Variants in TRIP11 observed in about 807,000 individuals in gnomAD.
TRIP11 encodes the protein thyroid hormone receptor interactor 11, also known as thyroid receptor-interacting protein 11.
Under a neutral mutation model 223.1 loss-of-function variants are expected in TRIP11, and 148 were observed. That is an observed-to-expected ratio of 0.66 (90% CI 0.58 to 0.76). The LOEUF is 0.76. Among genes scored for constraint, TRIP11 ranks in the 30% least tolerant of loss-of-function variants. TRIP11 has a pLI of 0.00. For synonymous variants in TRIP11, 762 were observed against 772.6 expected (o/e 0.99, Z 0.23); for missense variants, 2,043 against 2,222.0 (o/e 0.92, Z 1.62).
chr14:91,972,645 T>G, intron 20 of TRIP11, 72 bp downstream of exon 20: 1 of 1,470,860 alleles, frequency 6.8e-7, no homozygotes, highest in Non-Finnish European at 9.2e-7. Context: ...TTAGTTAATA[T>G]CACTGTGAAA....
chr14:92,015,000 C>T (rs2057018103), intron 6 of TRIP11, among the ~76,000 whole-genome samples: 1 of 151,230 alleles, frequency 6.6e-6, no homozygotes, highest in Non-Finnish European at 1.5e-5. Flanking sequence ...GCCTCCTGGG[C>T]TCAAGTGATC....
At chr14:91,975,745 G>C (rs1304256373) in intron 17 of TRIP11, among the ~76,000 whole-genome samples, 1 of 152,032 alleles carries the variant, frequency 6.6e-6, no homozygotes, top group Non-Finnish European at 1.5e-5. Flanking sequence ...CATATATACT[G>C]AGGTTTCAGA....
chr14:91,993,806 T>C lies in TRIP11; in HGVS notation c.5160+3A>G, dbSNP rs755451680. 1.2e-6 allele frequency: 2 copies of C among 1,607,302 alleles called. No individual in the cohort carries two copies. Among genetic ancestry groups the C allele is most frequent in the African/African-American group, 1.3e-5 (1 of 74,914 alleles). On this transcript the variant is annotated splice_donor_region_variant and intron_variant, in intron 15 of 20. Coordinates refer to ENST00000267622, the MANE Select transcript of TRIP11 (RefSeq NM_004239.4). ...CCTACAAGAGAAAACTATTTTGTCC[T>C]ACCTGTAATGATATCACTTTTCCTT...
intron 2 of TRIP11, among the ~76,000 whole-genome samples, chr14:92,028,643 T>C (rs1299548116): frequency 6.6e-6 from 1 of 152,152 alleles, no homozygotes; most frequent in East Asian, 1.9e-4. Context: ...TTGCCAGAGA[T>C]AATATTTTCT....
intron 2 of TRIP11, among the ~76,000 whole-genome samples, chr14:92,032,480 T>G (rs12896486): frequency 0.24 from 34,079 of 143,438 alleles, 4,828 homozygotes; most frequent in Admixed American, 0.36. Flanking sequence ...CTTTTTTGTA[T>G]CCAAATATTA....
At chr14:91,999,841 A>G (rs2056798707) in intron 12 of TRIP11, 127 bp downstream of exon 12, 2 of 1,264,560 alleles carry the variant, frequency 1.6e-6, no homozygotes, top group Non-Finnish European at 1.1e-6. Flanking sequence ...TTACTACTGC[A>G]CAGCAGAGGA....
intron 20 of TRIP11, among the ~76,000 whole-genome samples, chr14:91,971,857 G>A (rs1227938211): frequency 6.6e-6 from 1 of 152,052 alleles, no homozygotes; most frequent in Non-Finnish European, 1.5e-5. Flanking sequence ...TTGTCTAAAC[G>A]ACAGAAGTTT....
Position 91,966,289 on chromosome 14 carries a change from C to T in TRIP11, c.*3384G>A, listed in dbSNP as rs10135582. ...TGGCAAATAATCACAAATGTCAGAA[C>T]ATTAAAGTAGCATTTTTTCCATAGG... is the stretch of plus-strand genomic sequence containing the variant. On this transcript the variant is annotated 3_prime_UTR_variant, in exon 21 of 21. Coordinates refer to ENST00000267622, the MANE Select transcript of TRIP11 (RefSeq NM_004239.4). The T allele has an allele frequency of 5.6e-6, 1 of 178,458 alleles. No homozygotes were observed. The highest frequency in any genetic ancestry group is 9.4e-5 in the East Asian group (1 of 10,614). 11.1% of individuals were successfully genotyped at this position (178,458 alleles called of 1,614,324 possible). A position where few individuals can be genotyped will look rare whatever the true frequency, so the allele number is the denominator to read the frequency against.
chr14:91,969,996 A>G (rs770061516), intron 20 of TRIP11, 103 bp from the exon 21 acceptor site: 2 of 1,152,734 alleles, frequency 1.7e-6, no homozygotes, highest in Non-Finnish European at 2.5e-6. Flanking sequence ...AATATTGTTA[A>G]ATTGATTAGC....
chr14:92,003,283 T>C, intron 11 of TRIP11, 136 bp downstream of exon 11: 1 of 1,264,484 alleles, frequency 7.9e-7, no homozygotes, highest in Non-Finnish European at 1.1e-6. Context: ...TTACTTAGAA[T>C]GAATCACACC....
chr14:91,969,899 G>T lies in TRIP11; in HGVS notation c.5720-6C>A, dbSNP rs1469460452. The T allele has an allele frequency of 9.3e-6, 15 of 1,612,250 alleles. No individual in the cohort carries two copies. Among genetic ancestry groups the T allele is most frequent in the Non-Finnish European group, 1.3e-5 (15 of 1,178,926 alleles). On this transcript the variant is annotated splice_polypyrimidine_tract_variant and splice_region_variant and intron_variant, in intron 20 of 20. Transcript: ENST00000267622. ...AGACCTGGATTCTGCTGTATCTAAA[G>T]AATAAAATATGGATTTAGTCTCCTA...
At position 91,969,307 on chromosome 14, in the gene TRIP11, T is replaced by G; in HGVS notation, c.*366A>C. ...CTTCGTTTAAAAAAAAAAAACACTC[T>G]CTTGATAAACCACAATCTCTAGCTT... On this transcript the variant is annotated 3_prime_UTR_variant, in exon 21 of 21. Transcript: ENST00000267622. The G allele has an allele frequency of 3.2e-6, 1 of 315,526 alleles. No homozygotes were observed. The highest frequency in any genetic ancestry group is 5.9e-6 in the Non-Finnish European group (1 of 168,204). The allele number at this position is 315,526 out of a possible 1,614,324, so 19.5% of individuals were successfully genotyped here. A position where few individuals can be genotyped will look rare whatever the true frequency, so the allele number is the denominator to read the frequency against.
rs759808821 is a variant in TRIP11 at position 92,005,519 on chromosome 14, C to T, written c.2457G>A (p.Lys819=). ...GCAGCTTTGAACTTCTTTCTTTAAG[C>T]TTTTCAATAAAAATTTCTTTCTTGT... ...LINKKEIFIE[K]LKERSSKLQE... Residue 819 remains lysine, a synonymous_variant, in exon 11 of 21, where the codon AAG becomes AAA. Transcript: ENST00000267622. 1.2e-6 allele frequency: 2 copies of T among 1,611,784 alleles called. No homozygotes were observed. Among genetic ancestry groups the T allele is most frequent in the Non-Finnish European group, 1.7e-6 (2 of 1,179,618 alleles).
chr14:91,972,164 T>G (rs992473495), intron 20 of TRIP11, among the ~76,000 whole-genome samples: 1 of 152,202 alleles, frequency 6.6e-6, no homozygotes, highest in Non-Finnish European at 1.5e-5. Context: ...CCACCAACCG[T>G]CCGCTCTAGG....
intron 15 of TRIP11, among the ~76,000 whole-genome samples, chr14:91,993,205 AGT>A (rs1372771835): frequency 7.2e-5 from 11 of 152,024 alleles, no homozygotes; most frequent in African/African-American, 2.7e-4. Context: ...CGCCAGGCGC[AGT>A]GGCTCTCACC....
rs770220724 is a variant in TRIP11, at chr14:92,015,846, G to A, written c.673C>T (p.Arg225Ter). 13 of 1,610,860 alleles carry A rather than the reference G, an allele frequency of 8.1e-6. No homozygotes were observed. The highest frequency in any genetic ancestry group is 2.2e-5 in the South Asian group (2 of 90,796). The stretch of plus-strand genomic sequence containing the variant: ...TGATGGTCATCAATTTCCTGACTTC[G>A]GTTCTGTTTTAGTTCCTTAAAAAAT... ...QNIIKELKQN[R>*]SQEIDDHQHE... The change falls in exon 6 of 21, where the codon CGA becomes TGA. Residue 225 changes from arginine to a stop codon, truncating the protein, a stop_gained. Transcript: ENST00000267622. LOFTEE classifies it high-confidence loss of function.
rs2295173 is a variant in TRIP11, at chr14:92,026,365, T to C, written c.202-945A>G. On this transcript the variant is annotated intron_variant, in intron 2 of 20. Transcript: ENST00000267622. ...AATTGTATGTACCTAAATATTAAAT[T>C]ATCTTAACCTATTATCATTCCTTAT... 4.9e-4 allele frequency among the ~76,000 whole-genome samples: 74 copies of C among 152,306 alleles called. 1 individual carries two copies. In the East Asian group the frequency reaches 0.013, roughly 27 times the overall value.
intron 4 of TRIP11, 128 bp from the exon 5 acceptor site, chr14:92,017,878 T>G: frequency 1.3e-6 from 1 of 751,522 alleles, no homozygotes; most frequent in Non-Finnish European, 2.2e-6. Flanking sequence ...GACTAAAGAA[T>G]GCCATGGACC....
intron 16 of TRIP11, among the ~76,000 whole-genome samples, chr14:91,983,681 C>T (rs74073603): frequency 0.025 from 3,805 of 152,260 alleles, 146 homozygotes; most frequent in African/African-American, 0.078. Context: ...TTTATGGCAA[C>T]TCAGAAAACT....
Sources: gnomAD v4.1 joint callset for allele counts (sites outside exome capture counted in the v4.1 genomes callset) on GRCh38, gnomAD v4.1.1 for gene constraint, MANE v1.5 for transcripts, NCBI Gene and HGNC (gene_info 2026-07-23, HGNC 2026-07-21) for gene names.